Variants in HYDIN observed in about 807,000 individuals in gnomAD.
The protein encoded by HYDIN is axonemal central pair apparatus protein HYDIN.
Under a neutral mutation model 403.9 loss-of-function variants are expected in HYDIN, and 132 were observed. That is an observed-to-expected ratio of 0.33 (90% confidence interval 0.28 to 0.38). The LOEUF is 0.38. Ranked by LOEUF, HYDIN falls within the 10% of genes least tolerant of loss-of-function variation. The pLI is 1.00. For missense variants in HYDIN, 2,827 were observed against 5,009.5 expected (o/e 0.56, Z 13.15); for synonymous variants, 1,202 against 1,891.7 (o/e 0.64, Z 9.46).
chr16:70,902,815 ATATATATTTTTT>A (rs1190829254), intron 52 of HYDIN, among the ~76,000 whole-genome samples: 257 of 16,292 alleles, frequency 0.016, 5 homozygotes, highest in Admixed American at 0.028. Context: ...ATATATATAT[ATATATATTTTTT>A]TTTTTTTTTT....
intron 10 of HYDIN, among the ~76,000 whole-genome samples, chr16:71,098,271 G>A (rs377099810): frequency 1.3e-5 from 2 of 148,396 alleles, no homozygotes; most frequent in Non-Finnish European, 3.0e-5. Context: ...GTGCGATCTC[G>A]GCTCACTGCA....
chr16:71,030,091 C>A (rs1391238110), intron 19 of HYDIN, among the ~76,000 whole-genome samples: 2 of 152,118 alleles, frequency 1.3e-5, no homozygotes, highest in Non-Finnish European at 2.9e-5. Flanking sequence ...GCTCTGTTGC[C>A]CATGGTGGAG....
chr16:70,989,432 T>C (rs1335520627), intron 25 of HYDIN, among the ~76,000 whole-genome samples: 2 of 152,298 alleles, frequency 1.3e-5, no homozygotes, highest in African/African-American at 4.8e-5. Flanking sequence ...CACATACTCA[T>C]TCTAAAAAAT....
At position 71,224,424 on chromosome 16, in the gene HYDIN, T is replaced by C. The variant is rs908841783; in HGVS notation, c.-24+6138A>G. ...CATGTAACGAAAAACCACTTGTACCTCAAAAATGATTGAAATATAAAATTA... is the reference window on the plus strand; with the variant it reads ...CATGTAACGAAAAACCACTTGTACCCCAAAAATGATTGAAATATAAAATTA... On this transcript the variant is annotated intron_variant, in intron 1 of 85. Coordinates refer to ENST00000393567, the MANE Select transcript of HYDIN (RefSeq NM_001270974.2). 3.3e-5 allele frequency among the ~76,000 whole-genome samples: 5 copies of C among 152,156 alleles called. 1 individual carries two copies. Among genetic ancestry groups the C allele is most frequent in the Admixed American group, 3.3e-4 (5 of 15,278 alleles).
chr16:71,074,608 G>A (rs7203118), intron 13 of HYDIN, among the ~76,000 whole-genome samples: 56 of 138,660 alleles, frequency 4.0e-4, no homozygotes, highest in African/African-American at 1.1e-3. Context: ...TGCTTGCTCC[G>A]GAGGCGGAGA....
chr16:71,022,605 C>T (rs1393644018), intron 21 of HYDIN, among the ~76,000 whole-genome samples: 3 of 152,018 alleles, frequency 2.0e-5, no homozygotes, highest in African/African-American at 4.8e-5. Context: ...AATCTGAATA[C>T]TGAGACCTAA....
chr16:71,205,497 G>T (rs542269028), intron 1 of HYDIN, among the ~76,000 whole-genome samples: 1 of 152,344 alleles, frequency 6.6e-6, no homozygotes, highest in Non-Finnish European at 1.5e-5. Context: ...TTTTGCAGGG[G>T]TAATTCCGAG....
intron 23 of HYDIN, among the ~76,000 whole-genome samples, chr16:70,996,492 C>T (rs1254464336): frequency 6.6e-6 from 1 of 151,924 alleles, no homozygotes; most frequent in Admixed American, 6.6e-5. Context: ...GGCTTCCCCA[C>T]TTGTGCACTA....
chr16:70,934,307 C>T (rs1402489144), intron 45 of HYDIN, among the ~76,000 whole-genome samples: 8 of 149,812 alleles, frequency 5.3e-5, no homozygotes, highest in Non-Finnish European at 8.9e-5. Flanking sequence ...GGGTGCTTGT[C>T]GGGGGCACCA....
chr16:70,954,706 C>T (rs2078178724), intron 40 of HYDIN, among the ~76,000 whole-genome samples: 1 of 152,202 alleles, frequency 6.6e-6, no homozygotes, highest in East Asian at 1.9e-4. Context: ...TCTGCAGCTT[C>T]ACTATCGCTT....
rs1409406266 is a variant in HYDIN, at chr16:70,829,734, C to T, written c.13996G>A (p.Glu4666Lys). The change falls in exon 81 of 86, where the codon GAG (glutamate) becomes AAG (lysine). Residue 4666 changes from glutamate to lysine, a missense_variant. By Grantham distance (56) the Glu-to-Lys change is moderately conservative. Transcript: ENST00000393567. The stretch of plus-strand genomic sequence containing the variant: ...TCAGGCCCCTCCCAGTGCTCGCCCT[C>T]AAAGATGGGGTGCAGATTCCAGGTC... Reference protein sequence around the residue: ...NQTWNLHPIFEGEHWEGPEFI... With the variant: ...NQTWNLHPIFKGEHWEGPEFI... 2 of 1,613,930 alleles carry T rather than the reference C, an allele frequency of 1.2e-6. No individual in the cohort carries two copies. Among genetic ancestry groups the T allele is most frequent in the African/African-American group, 2.7e-5 (2 of 74,942 alleles).
intron 41 of HYDIN, among the ~76,000 whole-genome samples, chr16:70,945,426 C>T (rs1173993601): frequency 6.6e-6 from 1 of 152,120 alleles, no homozygotes; most frequent in Admixed American, 6.5e-5. Flanking sequence ...CTAAGCCCTT[C>T]GAGAGAGATT....
intron 66 of HYDIN, among the ~76,000 whole-genome samples, chr16:70,867,136 T>C (rs2143639096): frequency 7.3e-6 from 1 of 136,152 alleles, no homozygotes; most frequent in African/African-American, 2.8e-5. Context: ...ACACAAAATA[T>C]AAGTATCATA....
chr16:70,989,325 A>C (rs1229954513), intron 25 of HYDIN, among the ~76,000 whole-genome samples: 1 of 152,120 alleles, frequency 6.6e-6, no homozygotes. Context: ...GGCGTGAACC[A>C]CTGTTTCTGG....
chr16:70,856,548 T>C (rs1032544845), intron 72 of HYDIN, among the ~76,000 whole-genome samples: 9 of 146,944 alleles, frequency 6.1e-5, no homozygotes, highest in African/African-American at 2.0e-4. Context: ...TCAATGTCCA[T>C]TTTGCTATTA....
chr16:71,139,909 G>C (rs1171994045), intron 7 of HYDIN, among the ~76,000 whole-genome samples: 2 of 151,748 alleles, frequency 1.3e-5, no homozygotes, highest in African/African-American at 4.8e-5. Flanking sequence ...AGTCAAATTG[G>C]ATAAATTTTT....
intron 50 of HYDIN, among the ~76,000 whole-genome samples, chr16:70,906,073 A>G (rs903186379): frequency 6.6e-6 from 1 of 151,974 alleles, no homozygotes; most frequent in Non-Finnish European, 1.5e-5. Flanking sequence ...ATTGTATTGA[A>G]TGAAGACATG....
intron 62 of HYDIN, among the ~76,000 whole-genome samples, chr16:70,878,608 G>A (rs184309964): frequency 6.7e-6 from 1 of 149,090 alleles, no homozygotes; most frequent in East Asian, 1.9e-4. Flanking sequence ...ATGCTCTCAT[G>A]AAGCTGGGTG....
intron 18 of HYDIN, among the ~76,000 whole-genome samples, chr16:71,058,597 AAAAT>A (rs1222439503): frequency 1.7e-3 from 236 of 137,612 alleles, no homozygotes; most frequent in Admixed American, 4.6e-3. Flanking sequence ...GTATAATAAA[AAAAT>A]AAATAAATAA....
Sources: allele counts gnomAD v4.1 joint callset (sites outside exome capture counted in the v4.1 genomes callset), GRCh38; gene constraint gnomAD v4.1.1; transcripts MANE v1.5; gene names NCBI Gene and HGNC (gene_info 2026-07-23, HGNC 2026-07-21).